IGF2R: variants seen among roughly 807,000 people sequenced by gnomAD.
The protein encoded by IGF2R is cation-independent mannose-6-phosphate receptor.
Under a neutral mutation model 270.6 loss-of-function variants are expected in IGF2R, and 91 were observed. That is an observed-to-expected ratio of 0.34 (90% CI 0.28 to 0.40). The LOEUF (loss-of-function observed/expected upper bound fraction) is 0.40, where lower values mean the gene tolerates loss of function less well. Among genes scored for constraint, IGF2R ranks in the 10% least tolerant of loss-of-function variants. IGF2R has a pLI of 1.00. For missense variants in IGF2R, 2,805 were observed against 3,188.3 expected (o/e 0.88, Z 2.90); for synonymous variants, 1,316 against 1,258.9 (o/e 1.05, Z -0.96).
Position 160,043,131 on chromosome 6 carries a change from C to G in IGF2R, c.1481-17C>G, listed in dbSNP as rs2115244425. ...CAGCATTGCTTTTGGCTAAAATACA[C>G]TTTTGTTTTGTTACAGAACCAGAGC... On this transcript the variant is annotated splice_polypyrimidine_tract_variant and intron_variant, in intron 11 of 47. Transcript: ENST00000356956. 6.2e-7 allele frequency: 1 copy of G among 1,613,266 alleles called. No homozygotes were observed. The highest frequency in any genetic ancestry group is 1.3e-5 in the African/African-American group (1 of 74,996).
Position 160,105,072 on chromosome 6 carries a change from C to G in IGF2R, c.7464C>G (p.Leu2488=). 6.3e-7 allele frequency: 1 copy of G among 1,583,854 alleles called. No individual in the cohort carries two copies. Among genetic ancestry groups the G allele is most frequent in the Non-Finnish European group, 8.6e-7 (1 of 1,164,200 alleles). Reference sequence around the variant, plus strand: ...TCCATGACGACAGCGACGAGGACCTCTTACACATCTGACTCCGCAGTGCCT... The same window carrying G: ...TCCATGACGACAGCGACGAGGACCTGTTACACATCTGACTCCGCAGTGCCT... ...VSFHDDSDED[L]LHI The change falls in exon 48 of 48, where the codon CTC becomes CTG. Residue 2488 remains leucine, a synonymous_variant. Transcript: ENST00000356956.
chr6:160,103,493 C>T (rs1352576144), intron 46 of IGF2R, among the ~76,000 whole-genome samples: 1 of 152,098 alleles, frequency 6.6e-6, no homozygotes. Flanking sequence ...AAGTCCTTGC[C>T]CTAATGTTAA....
At chr6:160,022,277 G>A (rs549760504) in intron 4 of IGF2R, among the ~76,000 whole-genome samples, 1 of 152,150 alleles carries the variant, frequency 6.6e-6, no homozygotes, top group African/African-American at 2.4e-5. Flanking sequence ...TGAGAAATGA[G>A]AAATTTCCTA....
At chr6:159,975,702 A>AT (rs61371802) in intron 1 of IGF2R, among the ~76,000 whole-genome samples, 1 of 145,472 alleles carries the variant, frequency 6.9e-6, no homozygotes, top group Non-Finnish European at 1.5e-5. Flanking sequence ...ATATATATAT[A>AT]AAGTATATGT....
At chr6:160,014,069 T>C (rs1203847177) in intron 4 of IGF2R, among the ~76,000 whole-genome samples, 1 of 152,248 alleles carries the variant, frequency 6.6e-6, no homozygotes, top group African/African-American at 2.4e-5. Context: ...TGGGCAAAAA[T>C]CATGGTAGTT....
At chr6:160,036,771 GA>G (rs79691670) in intron 10 of IGF2R, among the ~76,000 whole-genome samples, 12 of 147,960 alleles carry the variant, frequency 8.1e-5, no homozygotes, top group East Asian at 3.9e-4. Context: ...AAGAAAAATA[GA>G]AAAAAAAAAG....
chr6:160,092,760 C>T (rs1006874565), intron 44 of IGF2R, among the ~76,000 whole-genome samples: 7 of 152,190 alleles, frequency 4.6e-5, no homozygotes, highest in African/African-American at 1.7e-4. Context: ...GGAGCGGAGC[C>T]GCACCGCCTG....
intron 46 of IGF2R, 81 bp from the exon 47 acceptor site, chr6:160,103,665 G>T (rs1232567853): frequency 1.3e-5 from 12 of 911,110 alleles, no homozygotes; most frequent in Non-Finnish European, 2.2e-5. Context: ...TGGTGCAGAT[G>T]GGGGTGGGGC....
intron 34 of IGF2R, 137 bp downstream of exon 34, chr6:160,073,606 A>T (rs935903952): frequency 8.8e-7 from 1 of 1,130,994 alleles, no homozygotes; most frequent in Non-Finnish European, 1.3e-6. Flanking sequence ...AATAAAGTTG[A>T]CTGGAAGTGC....
At chr6:159,984,302 C>T (rs1371408327) in intron 1 of IGF2R, among the ~76,000 whole-genome samples, 1 of 152,134 alleles carries the variant, frequency 6.6e-6, no homozygotes, top group Non-Finnish European at 1.5e-5. Context: ...ATGCTGTAGC[C>T]ATTGTAATGT....
At chr6:160,086,645 C>T (rs761849697) in intron 41 of IGF2R, among the ~76,000 whole-genome samples, 1 of 152,146 alleles carries the variant, frequency 6.6e-6, no homozygotes, top group Admixed American at 6.6e-5. Flanking sequence ...AAAAATTTTC[C>T]GTAAAACAGT....
rs1178723035 is a variant in IGF2R at position 160,109,988 on chromosome 6, A to G, written c.*4904A>G. ...GTATGTTGTTAACAGATGTTTTGCA[A>G]AAAATGAAAAGGACCTGAGCTCTAA... On this transcript the variant is annotated 3_prime_UTR_variant, in exon 48 of 48. Transcript: ENST00000356956. 3 of 152,242 alleles carry G rather than the reference A, an allele frequency of 2.0e-5. No individual in the cohort carries two copies. The highest frequency in any genetic ancestry group is 1.5e-5 in the Non-Finnish European group (1 of 68,046). The allele number at this position is 152,242 out of a possible 1,614,324, so 9.4% of individuals were successfully genotyped here.
chr6:160,048,309 A>C, intron 17 of IGF2R, 66 bp from the exon 18 acceptor site: 1 of 1,461,730 alleles, frequency 6.8e-7, no homozygotes, highest in Non-Finnish European at 9.6e-7. Flanking sequence ...CCAACTACAT[A>C]GAAATAAATG....
intron 45 of IGF2R, among the ~76,000 whole-genome samples, chr6:160,098,691 C>T (rs1188756603): frequency 2.0e-5 from 3 of 152,058 alleles, no homozygotes; most frequent in Non-Finnish European, 4.4e-5. Flanking sequence ...TGGTGGTGCA[C>T]ACCTGTAATC....
chr6:160,103,862 C>T, intron 47 of IGF2R, 47 bp downstream of exon 47: 1 of 1,227,348 alleles, frequency 8.1e-7, no homozygotes, highest in South Asian at 1.2e-5. Flanking sequence ...CCCCGGCCCC[C>T]TGTGCTGCGC....
rs1007091997 is a variant in IGF2R, at chr6:160,004,019, A to G, written c.290-4991A>G. 1 of 152,232 alleles carries G rather than the reference A, an allele frequency of 6.6e-6. No homozygotes were observed. Among genetic ancestry groups the G allele is most frequent in the African/African-American group, 2.4e-5 (1 of 41,452 alleles). The allele number at this position is 152,232 out of a possible 1,614,324, so 9.4% of individuals were successfully genotyped here. ...AGGAGTGTGTTGGTGGTAGCAAGAA[A>G]ATAAAAATCTTTTAAAAAGAGTATC... On this transcript the variant is annotated intron_variant, in intron 2 of 47. Coordinates refer to ENST00000356956, the MANE Select transcript of IGF2R (RefSeq NM_000876.4). The surrounding 1 kb of genome is among the most constrained non-coding windows in gnomAD (Gnocchi z 5.2).
intron 34 of IGF2R, 102 bp from the exon 35 acceptor site, chr6:160,073,655 T>G (rs1281599653): frequency 2.6e-6 from 3 of 1,168,010 alleles, no homozygotes; most frequent in Non-Finnish European, 3.7e-6. Flanking sequence ...ACCTTTCTAC[T>G]TTTTTTGTTG....
chr6:159,972,098 T>C (rs1783617609), intron 1 of IGF2R, among the ~76,000 whole-genome samples: 1 of 152,206 alleles, frequency 6.6e-6, no homozygotes, highest in South Asian at 2.1e-4. Context: ...AGTTGAGGAA[T>C]AGGAATGTAA....
In IGF2R at chr6:160,010,785, G is replaced by A. The variant is rs762762402; in HGVS notation, c.513G>A (p.Glu171=). 1 of 1,562,766 alleles carries A rather than the reference G, an allele frequency of 6.4e-7. No homozygotes were observed. The highest frequency in any genetic ancestry group is 1.7e-5 in the Admixed American group (1 of 59,904). The part of the protein sequence containing the change: ...CKKDIFKANK[E]VPCYVFDEEL... ...AAGACATATTTAAAGCAAATAAGGA[G>A]GTAACATGGGAACTTCAAATTACAT... Residue 171 remains glutamate, a splice_region_variant and synonymous_variant, in exon 4 of 48, where the codon GAG becomes GAA. Transcript: ENST00000356956.
Sources: allele counts gnomAD v4.1 joint callset (sites outside exome capture counted in the v4.1 genomes callset), GRCh38; gene constraint gnomAD v4.1.1; non-coding constraint Gnocchi (gnomAD v3.1); transcripts MANE v1.5; gene names NCBI Gene and HGNC (gene_info 2026-07-23, HGNC 2026-07-21).